CENPC: variants seen among roughly 807,000 people sequenced by gnomAD.
CENPC encodes CENP-C 1.
Under a neutral mutation model 112.1 loss-of-function variants are expected in CENPC, and 63 were observed. That is an observed-to-expected ratio of 0.56 (90% CI 0.46 to 0.69). The LOEUF is 0.69. CENPC is among the 30% of genes least tolerant of loss of function. The pLI is 0.00. For missense variants in CENPC, 1,000 were observed against 1,103.8 expected (o/e 0.91, Z 1.33); for synonymous variants, 333 against 367.6 (o/e 0.91, Z 1.08).
At chr4:67,480,520 T>C (rs1217290951) in intron 17 of CENPC, among the ~76,000 whole-genome samples, 3 of 150,614 alleles carry the variant, frequency 2.0e-5, no homozygotes, top group African/African-American at 7.4e-5. Context: ...AATAAAAGAA[T>C]TGTCAACAAC....
intron 17 of CENPC, among the ~76,000 whole-genome samples, chr4:67,489,506 T>C (rs1725182243): frequency 6.6e-6 from 1 of 152,092 alleles, no homozygotes; most frequent in African/African-American, 2.4e-5. Flanking sequence ...TTTATTGATA[T>C]ATAAAAATTT....
chr4:67,486,022 A>G (rs905318832), intron 17 of CENPC, among the ~76,000 whole-genome samples: 3 of 152,238 alleles, frequency 2.0e-5, no homozygotes, highest in Non-Finnish European at 4.4e-5. Context: ...TTATAACTTA[A>G]TAAGACAAAA....
At chr4:67,518,109 GA>G in intron 7 of CENPC, 46 bp downstream of exon 7, 1 of 1,047,028 alleles carries the variant, frequency 9.6e-7, no homozygotes, top group Non-Finnish European at 1.4e-6. Context: ...ATGGTTCATA[GA>G]ATATAAAAGA....
At chr4:67,515,053 TA>T (rs755226818) in intron 7 of CENPC, among the ~76,000 whole-genome samples, 4 of 151,530 alleles carry the variant, frequency 2.6e-5, no homozygotes, top group Non-Finnish European at 5.9e-5. Flanking sequence ...TATATTAAAT[TA>T]TATATTTGTA....
chr4:67,485,976 G>A (rs1043817643), intron 17 of CENPC, among the ~76,000 whole-genome samples: 3 of 151,788 alleles, frequency 2.0e-5, no homozygotes, highest in Non-Finnish European at 4.4e-5. Context: ...TCCCTAAATG[G>A]GGAAAAAAGC....
chr4:67,486,299 G>C (rs897425494), intron 17 of CENPC, among the ~76,000 whole-genome samples: 1 of 152,070 alleles, frequency 6.6e-6, no homozygotes, highest in Admixed American at 6.6e-5. Flanking sequence ...TAAATGCCCA[G>C]TATCATAATT....
intron 6 of CENPC, 124 bp from the exon 7 acceptor site, chr4:67,518,492 A>G (rs1211075969): frequency 1.3e-5 from 14 of 1,039,208 alleles, no homozygotes; most frequent in African/African-American, 1.6e-5. Flanking sequence ...GCATTTATTT[A>G]AGACATAAAT....
rs564829301 is a variant in CENPC at position 67,506,978 on chromosome 4, T to C, written c.1905-44A>G. 3 of 1,483,474 alleles carry C rather than the reference T, an allele frequency of 2.0e-6. No individual in the cohort carries two copies. In the African/African-American group the frequency reaches 4.2e-5, roughly 21 times the overall value. The allele number at this position is 1,483,474 out of a possible 1,614,324, so 91.9% of individuals were successfully genotyped here. A position where few individuals can be genotyped will look rare whatever the true frequency, so the allele number is the denominator to read the frequency against. On this transcript the variant is annotated intron_variant, in intron 10 of 18. Transcript: ENST00000273853. ...TATGAGTGTTTATACTTCTTCAAAA[T>C]AAAATTTTCTTCCAGAAACGATACA...
rs866435183 is a variant in CENPC at position 67,541,432 on chromosome 4, T to A, written c.66-382A>T. ...GTAACATATTCCTCCCTATAAATTC[T>A]CAAATGCATTTCTAATTCAGTATCA... On this transcript the variant is annotated intron_variant, in intron 2 of 18. Transcript: ENST00000273853. 2.6e-5 allele frequency among the ~76,000 whole-genome samples: 4 copies of A among 152,172 alleles called. No homozygotes were observed. In the South Asian group the frequency reaches 8.3e-4, roughly 31 times the overall value.
intron 12 of CENPC, among the ~76,000 whole-genome samples, chr4:67,502,409 C>A (rs1435120341): frequency 6.6e-6 from 1 of 152,034 alleles, no homozygotes; most frequent in African/African-American, 2.4e-5. Flanking sequence ...AAAGAAACAA[C>A]AACCAACCAA....
intron 15 of CENPC, 63 bp downstream of exon 15, chr4:67,492,806 T>G: frequency 6.9e-7 from 1 of 1,442,840 alleles, no homozygotes; most frequent in Non-Finnish European, 9.2e-7. Flanking sequence ...GCAAAGAGCT[T>G]CTTCTCAAAG....
chr4:67,524,961 A>G (rs555093710), intron 5 of CENPC, among the ~76,000 whole-genome samples: 27 of 152,318 alleles, frequency 1.8e-4, no homozygotes. Flanking sequence ...ACAGCTTGGT[A>G]CTGGTACCAA....
chr4:67,491,529 C>CG (rs1725281053), intron 16 of CENPC, among the ~76,000 whole-genome samples: 5 of 33,698 alleles, frequency 1.5e-4, no homozygotes, highest in Non-Finnish European at 2.0e-4. Flanking sequence ...AGAGAGAGAG[C>CG]CTGGTTGTTA....
At chr4:67,531,328 A>G (rs1005387259) in intron 4 of CENPC, among the ~76,000 whole-genome samples, 3 of 152,232 alleles carry the variant, frequency 2.0e-5, no homozygotes, top group African/African-American at 7.2e-5. Context: ...TATCTATGTA[A>G]AGTTCAAAAT....
In CENPC at chr4:67,529,914, A is replaced by C. The variant is rs534604915; in HGVS notation, c.331+901T>G. 2.0e-5 allele frequency among the ~76,000 whole-genome samples: 3 copies of C among 152,252 alleles called. No individual in the cohort carries two copies. In the East Asian group the frequency reaches 5.8e-4, roughly 29 times the overall value. On this transcript the variant is annotated intron_variant, in intron 5 of 18. Transcript: ENST00000273853. ...GAAAAAACAAATATATCAAAATTCAAAAGTATGTTGAATGTTATGTGAGAT... is the reference window on the plus strand; with the variant it reads ...GAAAAAACAAATATATCAAAATTCACAAGTATGTTGAATGTTATGTGAGAT...
chr4:67,533,169 A>C (rs1726610609), intron 4 of CENPC, among the ~76,000 whole-genome samples: 1 of 152,216 alleles, frequency 6.6e-6, no homozygotes, highest in African/African-American at 2.4e-5. Context: ...GGGGGAGACA[A>C]TTGAATCATC....
At chr4:67,492,341 C>T in intron 15 of CENPC, 66 bp from the exon 16 acceptor site, 1 of 1,039,926 alleles carries the variant, frequency 9.6e-7, no homozygotes, top group Non-Finnish European at 1.4e-6. Context: ...CCAAAAAGTT[C>T]AGTACAAAAT....
At position 67,472,289 on chromosome 4, in the gene CENPC, GT is replaced by G. The variant is rs1724685945; in HGVS notation, c.*315del. 5.8e-6 allele frequency: 1 copy of G among 173,266 alleles called. No individual in the cohort carries two copies. Among genetic ancestry groups the G allele is most frequent in the African/African-American group, 2.4e-5 (1 of 42,342 alleles). The allele number at this position is 173,266 out of a possible 1,614,324, so 10.7% of individuals were successfully genotyped here. ...TTTAAAATTAGTATTTGGAAAAGAT[GT>G]TTTTTAATGAGTAGACATATTAATC... On this transcript the variant is annotated 3_prime_UTR_variant, in exon 19 of 19. Transcript: ENST00000273853.
chr4:67,527,595 G>C (rs1726422639), intron 5 of CENPC, among the ~76,000 whole-genome samples: 1 of 144,568 alleles, frequency 6.9e-6, no homozygotes, highest in African/African-American at 2.5e-5. Context: ...CAACCTTTTG[G>C]GCTCAAGTGA....
Sources: gnomAD v4.1 joint callset for allele counts (sites outside exome capture counted in the v4.1 genomes callset) on GRCh38, gnomAD v4.1.1 for gene constraint, MANE v1.5 for transcripts, NCBI Gene and HGNC (gene_info 2026-07-23, HGNC 2026-07-21) for gene names.